The following APBB2 variants were observed in gnomAD, a reference collection of about 807,000 sequenced individuals.
APBB2 encodes the protein amyloid beta precursor protein binding family B member 2, also known as Fe65-like 1.
APBB2 carries 38 observed loss-of-function variants against 82.5 expected under a neutral mutation model. The ratio of observed to expected loss-of-function variants is 0.46; its 90% CI spans 0.36 to 0.60. The LOEUF (loss-of-function observed/expected upper bound fraction) is 0.60. Among genes scored for constraint, APBB2 ranks in the 20% least tolerant of loss-of-function variants. The probability of loss-of-function intolerance (pLI) is 0.00; values close to 1 mark genes in which losing one functional copy is unlikely to be tolerated. For missense variants in APBB2, 772 were observed against 972.3 expected, an observed-to-expected ratio of 0.79 and a Z score of 2.74; for synonymous variants, 341 against 368.2, an observed-to-expected ratio of 0.93 and a Z score of 0.85.
At position 40,826,241 on chromosome 4, in the gene APBB2, T is replaced by C; in HGVS notation, c.1733-271A>G. 4 of 413,872 alleles carry C rather than the reference T, an allele frequency of 9.7e-6. No individual in the cohort carries two copies. Among genetic ancestry groups the C allele is most frequent in the Non-Finnish European group, 1.8e-5 (4 of 225,104 alleles). The allele number at this position is 413,872 out of a possible 1,614,324, so 25.6% of individuals were successfully genotyped here. ...TAAAGCTGCTACTGTCTCTTTGATG[T>C]ATATTAAGTAAAGTAGCAGCTTTTG... On this transcript the variant is annotated intron_variant, in intron 14 of 17. Coordinates refer to ENST00000508593, the MANE Select transcript of APBB2 (RefSeq NM_004307.2). This position sits in a 1 kb window ranked among gnomAD's most constrained non-coding sequence, Gnocchi z 4.5.
intron 6 of APBB2, among the ~76,000 whole-genome samples, chr4:40,989,198 A>G (rs9992186): frequency 0.92 from 140,103 of 152,190 alleles, 65,329 homozygotes; most frequent in Non-Finnish European, 1. Flanking sequence ...CCCATGTTGC[A>G]ATGCCTTGCC....
chr4:40,906,106 T>C (rs1776623059), intron 10 of APBB2, among the ~76,000 whole-genome samples: 1 of 152,270 alleles, frequency 6.6e-6, no homozygotes, highest in South Asian at 2.1e-4. Flanking sequence ...TGCATGGCAA[T>C]GAAATAATGT....
Position 41,146,054 on chromosome 4 carries a change from G to C in APBB2, c.-416-2912C>G, listed in dbSNP as rs546731590. ...AAAATTTTAAATATTTATCCAACAT[G>C]GTGACTCATGCCTGTAATCCTAGCA... On this transcript the variant is annotated intron_variant, in intron 1 of 17. Transcript: ENST00000508593. Among the ~76,000 whole-genome samples, 9 of 152,060 alleles carry C rather than the reference G, an allele frequency of 5.9e-5. No individual in the cohort carries two copies. The South Asian group carries it at 1.9e-3, about 32-fold the overall frequency.
rs76394084 is a variant in APBB2, at chr4:41,131,113, C to T, written c.-261+11874G>A. Among the ~76,000 whole-genome samples the T allele has an allele frequency of 2.5e-3, 388 of 152,278 alleles. 1 individual carries two copies. Among genetic ancestry groups the T allele is most frequent in the African/African-American group, 9.1e-3 (379 of 41,560 alleles). On this transcript the variant is annotated intron_variant, in intron 2 of 17. Transcript: ENST00000508593. ...CACATTAAAAGTATGGGGGCATTCA[C>T]AAAGCTCTACATTTCTGCCTTCTCT...
intron 10 of APBB2, among the ~76,000 whole-genome samples, chr4:40,896,049 C>T (rs1773574352): frequency 6.6e-6 from 1 of 151,674 alleles, no homozygotes; most frequent in Admixed American, 6.6e-5. Flanking sequence ...GGATAAACAG[C>T]CGGTGACCTC....
chr4:41,142,848 A>G (rs1211274281), intron 2 of APBB2, 139 bp downstream of exon 2: 1 of 152,238 alleles, frequency 6.6e-6, no homozygotes. Context: ...TGTATCTGCC[A>G]TTTACACATG....
rs576388358 is a variant in APBB2 at position 41,084,190 on chromosome 4, C to T, written c.-149+16449G>A. Among the ~76,000 whole-genome samples, 9 of 152,224 alleles carry T rather than the reference C, an allele frequency of 5.9e-5. No individual in the cohort carries two copies. The South Asian group carries it at 1.2e-3, about 21-fold the overall frequency. ...CTGTAATCCCAACACTTCAGAAGGCCGAGACAGGCGGATCACCTGAGGTCG... is the reference window on the plus strand; with the variant it reads ...CTGTAATCCCAACACTTCAGAAGGCTGAGACAGGCGGATCACCTGAGGTCG... On this transcript the variant is annotated intron_variant, in intron 3 of 17. Transcript: ENST00000508593.
At chr4:40,891,239 T>G (rs1412255566) in intron 11 of APBB2, among the ~76,000 whole-genome samples, 1 of 152,214 alleles carries the variant, frequency 6.6e-6, no homozygotes, top group East Asian at 1.9e-4. Flanking sequence ...ACTCCTGCAC[T>G]ATCTTTCAGA....
intron 10 of APBB2, among the ~76,000 whole-genome samples, chr4:40,926,361 G>A (rs7657518): frequency 0.092 from 14,015 of 152,190 alleles, 679 homozygotes; most frequent in Middle Eastern, 0.15. Flanking sequence ...GGGTGAGAAG[G>A]AGTCTGTCCT....
intron 4 of APBB2, among the ~76,000 whole-genome samples, chr4:41,042,069 C>A (rs1483785314): frequency 1.3e-5 from 2 of 152,126 alleles, no homozygotes; most frequent in Non-Finnish European, 2.9e-5. Flanking sequence ...CAGCTAACTG[C>A]AGCCTCCGCC....
intron 10 of APBB2, among the ~76,000 whole-genome samples, chr4:40,932,289 C>T (rs1485636907): frequency 6.6e-6 from 1 of 152,196 alleles, no homozygotes; most frequent in African/African-American, 2.4e-5. Flanking sequence ...ACCTGCGTTC[C>T]TTACCATAAA....
intron 2 of APBB2, among the ~76,000 whole-genome samples, chr4:41,128,067 G>A (rs373527442): frequency 1.3e-5 from 2 of 149,596 alleles, no homozygotes; most frequent in African/African-American, 2.5e-5. Flanking sequence ...GTAACAGAGC[G>A]AGACTCCATC....
intron 4 of APBB2, among the ~76,000 whole-genome samples, chr4:41,063,709 C>T (rs764084221): frequency 6.6e-6 from 1 of 152,078 alleles, no homozygotes. Flanking sequence ...AACAGAGTCT[C>T]GCTCTGTCAC....
intron 3 of APBB2, among the ~76,000 whole-genome samples, chr4:41,096,245 G>A (rs537435819): frequency 6.6e-6 from 1 of 152,194 alleles, no homozygotes; most frequent in Non-Finnish European, 1.5e-5. Flanking sequence ...GGAAGATACT[G>A]CAGGGCTTTG....
intron 1 of APBB2, among the ~76,000 whole-genome samples, chr4:41,192,234 T>C (rs976102557): frequency 6.6e-6 from 1 of 152,162 alleles, no homozygotes; most frequent in African/African-American, 2.4e-5. Flanking sequence ...GTATGGAGGT[T>C]ACCAAAGAAA....
intron 6 of APBB2, among the ~76,000 whole-genome samples, chr4:40,962,427 A>C (rs1329410584): frequency 2.0e-5 from 3 of 152,218 alleles, no homozygotes; most frequent in Non-Finnish European, 4.4e-5. Flanking sequence ...TTTGGTGTCT[A>C]AATTGTGAAT....
intron 6 of APBB2, among the ~76,000 whole-genome samples, chr4:40,979,509 C>T (rs566169925): frequency 1.3e-5 from 2 of 152,302 alleles, no homozygotes; most frequent in East Asian, 3.8e-4. Flanking sequence ...GATCCATAGT[C>T]AACTGTTTTT....
At chr4:41,087,591 G>C (rs1402458845) in intron 3 of APBB2, among the ~76,000 whole-genome samples, 1 of 151,868 alleles carries the variant, frequency 6.6e-6, no homozygotes, top group Non-Finnish European at 1.5e-5. Context: ...ACCATGACTG[G>C]CTAATTTTTT....
chr4:40,988,801 T>C (rs1801164498), intron 6 of APBB2, among the ~76,000 whole-genome samples: 1 of 150,876 alleles, frequency 6.6e-6, no homozygotes, highest in Non-Finnish European at 1.5e-5. Context: ...TCACTCACTC[T>C]GTCACCCAGG....
Sources: allele counts gnomAD v4.1 joint callset (sites outside exome capture counted in the v4.1 genomes callset), GRCh38; gene constraint gnomAD v4.1.1; non-coding constraint Gnocchi (gnomAD v3.1); transcripts MANE v1.5; gene names NCBI Gene and HGNC (gene_info 2026-07-23, HGNC 2026-07-21).